The following CAMTA1 variants were observed in gnomAD, a reference collection of about 807,000 sequenced individuals.
The protein encoded by CAMTA1 is calmodulin-binding transcription activator 1.
In CAMTA1, 27 loss-of-function variants were observed where a neutral mutation model predicts 170.9. The observed-to-expected ratio is 0.16, with a 90% CI of 0.12 to 0.22. The LOEUF is 0.22. Among genes scored for constraint, CAMTA1 ranks in the 10% least tolerant of loss-of-function variants. CAMTA1 has a pLI of 1.00. For synonymous variants in CAMTA1, 833 were observed against 891.5 expected (o/e 0.93, Z 1.17); for missense variants, 1,619 against 2,217.2 (o/e 0.73, Z 5.42).
rs1299212487 is a variant in CAMTA1, at chr1:7,596,052, C to T, written c.511-44348C>T. On this transcript the variant is annotated intron_variant, in intron 6 of 22. Coordinates refer to ENST00000303635, the MANE Select transcript of CAMTA1 (RefSeq NM_015215.4). ...AGCTGGGCAATTTAGCTTCACTGTC[C>T]CCATCCGTCTTGCTCCCTCTGTCCT... 2.0e-5 allele frequency among the ~76,000 whole-genome samples: 3 copies of T among 152,212 alleles called. No homozygotes were observed. The East Asian group carries it at 5.8e-4, about 29-fold the overall frequency.
intron 1 of CAMTA1, among the ~76,000 whole-genome samples, chr1:6,798,332 T>A (rs1643052159): frequency 6.6e-6 from 1 of 152,202 alleles, no homozygotes; most frequent in Non-Finnish European, 1.5e-5. Context: ...AAAAACCCCC[T>A]AATTTTCAAA....
chr1:6,935,984 G>GT (rs1433773449), intron 3 of CAMTA1, among the ~76,000 whole-genome samples: 17 of 152,312 alleles, frequency 1.1e-4, no homozygotes, highest in Non-Finnish European at 2.5e-4. Context: ...GTGACTCGAG[G>GT]CTGTCGGAGG....
At chr1:7,637,725 G>A (rs1406783286) in intron 6 of CAMTA1, among the ~76,000 whole-genome samples, 2 of 152,220 alleles carry the variant, frequency 1.3e-5, no homozygotes, top group Non-Finnish European at 2.9e-5. Context: ...CTGGCACATA[G>A]CTTTGGGCAA....
intron 6 of CAMTA1, among the ~76,000 whole-genome samples, chr1:7,602,634 G>GT (rs1286957728): frequency 1.3e-5 from 2 of 152,114 alleles, no homozygotes; most frequent in Admixed American, 6.5e-5. Flanking sequence ...TTTTTGAAGG[G>GT]TTTTTTGTGT....
At chr1:7,000,561 G>A (rs1368962379) in intron 3 of CAMTA1, among the ~76,000 whole-genome samples, 1 of 152,206 alleles carries the variant, frequency 6.6e-6, no homozygotes, top group Non-Finnish European at 1.5e-5. Flanking sequence ...TGTGGAGCAG[G>A]TCAGCTTATG....
At chr1:6,988,677 G>A (rs1270707583) in intron 3 of CAMTA1, among the ~76,000 whole-genome samples, 1 of 151,930 alleles carries the variant, frequency 6.6e-6, no homozygotes, top group East Asian at 1.9e-4. Flanking sequence ...GCATCATTCT[G>A]TGAAGAGTAC....
At chr1:7,687,414 G>A (rs2096268355) in intron 11 of CAMTA1, among the ~76,000 whole-genome samples, 1 of 152,128 alleles carries the variant, frequency 6.6e-6, no homozygotes, top group African/African-American at 2.4e-5. Flanking sequence ...CCTGAGGCAA[G>A]AGGGAGCTCC....
At chr1:7,735,859 C>T (rs1283746264) in intron 12 of CAMTA1, among the ~76,000 whole-genome samples, 1 of 152,102 alleles carries the variant, frequency 6.6e-6, no homozygotes, top group African/African-American at 2.4e-5. Flanking sequence ...GTAGCCTCAA[C>T]CTCTCCAGGC....
chr1:6,813,357 TATTTC>T (rs906243806), intron 1 of CAMTA1, among the ~76,000 whole-genome samples: 11 of 152,028 alleles, frequency 7.2e-5, no homozygotes, highest in Non-Finnish European at 1.3e-4. Context: ...AATAAATTGA[TATTTC>T]ATTTATTATT....
At chr1:7,104,177 T>TACACACAACACACATGC (rs1643302794) in intron 4 of CAMTA1, among the ~76,000 whole-genome samples, 1 of 143,356 alleles carries the variant, frequency 7.0e-6, no homozygotes, top group East Asian at 2.2e-4. Flanking sequence ...TACACACATA[T>TACACACAACACACATGC]ACACACAACA....
At chr1:7,599,879 T>C (rs1316618018) in intron 6 of CAMTA1, among the ~76,000 whole-genome samples, 1 of 152,246 alleles carries the variant, frequency 6.6e-6, no homozygotes, top group Admixed American at 6.5e-5. Flanking sequence ...AATCATGTCA[T>C]CTGCAAACAG....
In CAMTA1 at chr1:7,299,729, A is replaced by G. The variant is rs1674492701; in HGVS notation, c.438+50103A>G. 1.3e-5 allele frequency among the ~76,000 whole-genome samples: 2 copies of G among 152,232 alleles called. No homozygotes were observed. Among genetic ancestry groups the G allele is most frequent in the African/African-American group, 4.8e-5 (2 of 41,460 alleles). ...CAGGGACTGTGGGTGAGAGGGTACA[A>G]GGAGGTGTTCCAACCCCTCACTGAG... On this transcript the variant is annotated intron_variant, in intron 5 of 22. Coordinates refer to ENST00000303635, the MANE Select transcript of CAMTA1 (RefSeq NM_015215.4). The surrounding 1 kb of genome is among the most constrained non-coding windows in gnomAD (Gnocchi z 4.7).
chr1:7,711,617 A>T (rs1438555305), intron 11 of CAMTA1, among the ~76,000 whole-genome samples: 1 of 152,208 alleles, frequency 6.6e-6, no homozygotes, highest in African/African-American at 2.4e-5. Context: ...CTTTAAATGG[A>T]TATTGACTAA....
rs560249947 is a variant in CAMTA1 at position 7,592,424 on chromosome 1, G to A, written c.511-47976G>A. On this transcript the variant is annotated intron_variant, in intron 6 of 22. Coordinates refer to ENST00000303635, the MANE Select transcript of CAMTA1 (RefSeq NM_015215.4). The surrounding 1 kb of genome is among the most constrained non-coding windows in gnomAD (Gnocchi z 4.6). The stretch of plus-strand genomic sequence containing the variant: ...CTGGCACCTTGCAGTAGTGTTGCCC[G>A]CTTCCTAACAGGAACAGGACAGATA... Among the ~76,000 whole-genome samples the A allele has an allele frequency of 9.8e-5, 15 of 152,288 alleles. No homozygotes were observed. In the South Asian group the frequency reaches 2.5e-3, roughly 25 times the overall value.
rs960095313 is a variant in CAMTA1 at position 6,932,062 on chromosome 1, T to C, written c.234+106852T>C. Reference sequence around the variant, plus strand: ...GAGGCATAATTGACATATAATAAATTACACATATTTAAAATGTACAACTCA... The same window carrying C: ...GAGGCATAATTGACATATAATAAATCACACATATTTAAAATGTACAACTCA... On this transcript the variant is annotated intron_variant, in intron 3 of 22. Transcript: ENST00000303635. Among the ~76,000 whole-genome samples the C allele has an allele frequency of 4.6e-5, 7 of 152,228 alleles. No individual in the cohort carries two copies. In the East Asian group the frequency reaches 9.6e-4, roughly 21 times the overall value.
At chr1:7,755,785 GAATGAATTA>G in intron 22 of CAMTA1, 117 bp downstream of exon 22, 1 of 842,802 alleles carries the variant, frequency 1.2e-6, no homozygotes, top group African/African-American at 1.7e-5. Context: ...CATCCATTTT[GAATGAATTA>G]AAATCAAGTA....
intron 10 of CAMTA1, among the ~76,000 whole-genome samples, chr1:7,672,337 C>G (rs1249480254): frequency 6.6e-6 from 1 of 152,200 alleles, no homozygotes; most frequent in Non-Finnish European, 1.5e-5. Context: ...ACCACCACCC[C>G]ACCCTTGAAC....
At position 7,641,634 on chromosome 1, in the gene CAMTA1, G is replaced by A. The variant is rs1245490795; in HGVS notation, c.664+1081G>A. Among the ~76,000 whole-genome samples the A allele has an allele frequency of 6.6e-6, 1 of 152,116 alleles. No individual in the cohort carries two copies. Among genetic ancestry groups the A allele is most frequent in the African/African-American group, 2.4e-5 (1 of 41,420 alleles). ...TTGGGGATGAGGGTCAGGAGGGACA[G>A]AGGGGTCTGTGTGGCAAGGGAGGCC... is the stretch of plus-strand genomic sequence containing the variant. On this transcript the variant is annotated intron_variant, in intron 7 of 22. Transcript: ENST00000303635. This position sits in a 1 kb window ranked among gnomAD's most constrained non-coding sequence, Gnocchi z 4.5.
chr1:7,310,602 T>TG (rs36137004), intron 5 of CAMTA1, among the ~76,000 whole-genome samples: 1 of 6,064 alleles, frequency 1.6e-4, no homozygotes, highest in Non-Finnish European at 2.8e-4. Context: ...TTCTTTTCTT[T>TG]TCTTTCTTTC....
Sources: allele counts gnomAD v4.1 joint callset (sites outside exome capture counted in the v4.1 genomes callset), GRCh38; gene constraint gnomAD v4.1.1; non-coding constraint Gnocchi (gnomAD v3.1); transcripts MANE v1.5; gene names NCBI Gene and HGNC (gene_info 2026-07-23, HGNC 2026-07-21).